GBE1: variants seen among roughly 807,000 people sequenced by gnomAD.
GBE1 encodes 1,4-alpha-glucan-branching enzyme.
In GBE1, 70 loss-of-function variants were observed where a neutral mutation model predicts 88.8. That is an observed-to-expected ratio of 0.79 (90% CI 0.65 to 0.96). GBE1 has a LOEUF of 0.96. Among genes scored for constraint, GBE1 ranks in the 40% least tolerant of loss-of-function variants. GBE1 has a pLI of 0.00. For synonymous variants in GBE1, 284 were observed against 300.1 expected (o/e 0.95, Z 0.56); for missense variants, 872 against 871.0 (o/e 1.00, Z -0.01).
At chr3:81,605,759 G>A (rs1704094128) in intron 7 of GBE1, among the ~76,000 whole-genome samples, 1 of 152,094 alleles carries the variant, frequency 6.6e-6, no homozygotes, top group Admixed American at 6.6e-5. Context: ...AGCGTTGCAT[G>A]GCTCAACTCA....
chr3:81,520,107 T>C (rs1702852368), intron 14 of GBE1, among the ~76,000 whole-genome samples: 3 of 151,354 alleles, frequency 2.0e-5, no homozygotes, highest in Admixed American at 1.3e-4. Context: ...TTCAGTTAAT[T>C]AAAGGCCTCA....
At chr3:81,714,001 C>T (rs190232110) in intron 1 of GBE1, among the ~76,000 whole-genome samples, 2 of 152,028 alleles carry the variant, frequency 1.3e-5, no homozygotes, top group Admixed American at 1.3e-4. Context: ...TATGGGAGAC[C>T]GTAGAAGAGA....
rs1319433801 is a variant in GBE1 at position 81,750,599 on chromosome 3, A to G, written c.143+10776T>C. 2.3e-3 allele frequency among the ~76,000 whole-genome samples: 83 copies of G among 36,650 alleles called. 13 individuals are homozygous for G. The highest frequency in any genetic ancestry group is 9.3e-3 in the Middle Eastern group (1 of 108). 24.0% of individuals were successfully genotyped at this position (36,650 alleles called of 152,430 possible). ...TACGTATATATATACGTATATATAT[A>G]TGTGTATATATATATATGTATATAT... On this transcript the variant is annotated intron_variant, in intron 1 of 15. Coordinates refer to ENST00000429644, the MANE Select transcript of GBE1 (RefSeq NM_000158.4).
intron 1 of GBE1, among the ~76,000 whole-genome samples, chr3:81,739,524 A>G (rs1256209579): frequency 6.6e-6 from 1 of 152,192 alleles, no homozygotes; most frequent in Non-Finnish European, 1.5e-5. Flanking sequence ...TGCACTTTCT[A>G]GAAGACAACA....
rs9790090 is a variant in GBE1, at chr3:81,653,998, C to T, written c.430-4077G>A. 1.4e-4 allele frequency among the ~76,000 whole-genome samples: 22 copies of T among 152,026 alleles called. No individual in the cohort carries two copies. In the East Asian group the frequency reaches 4.3e-3, roughly 29 times the overall value. On this transcript the variant is annotated intron_variant, in intron 3 of 15. Coordinates refer to ENST00000429644, the MANE Select transcript of GBE1 (RefSeq NM_000158.4). ...CTACTTAAGGTGTACATCTTGCGTA[C>T]CTTAAGTATATTAACACATTAAGAA...
chr3:81,647,389 C>T (rs1409738232), intron 5 of GBE1, among the ~76,000 whole-genome samples: 3 of 152,122 alleles, frequency 2.0e-5, no homozygotes, highest in African/African-American at 7.2e-5. Context: ...CTTCCTTTCT[C>T]CATCTGAATA....
intron 7 of GBE1, among the ~76,000 whole-genome samples, chr3:81,636,206 C>CT (rs937596119): frequency 4.6e-5 from 7 of 152,132 alleles, no homozygotes; most frequent in African/African-American, 1.7e-4. Flanking sequence ...GAGAATTAGT[C>CT]TGTCTGAATT....
chr3:81,546,345 C>A (rs1297636368), intron 12 of GBE1, among the ~76,000 whole-genome samples: 1 of 152,084 alleles, frequency 6.6e-6, no homozygotes, highest in East Asian at 1.9e-4. Flanking sequence ...AAAAAACAAA[C>A]ACCTAACTCC....
chr3:81,547,160 A>G (rs1703216740), intron 12 of GBE1, among the ~76,000 whole-genome samples: 2 of 151,344 alleles, frequency 1.3e-5, no homozygotes, highest in Non-Finnish European at 3.0e-5. Flanking sequence ...TTAGACGCCC[A>G]ATTTAAGGGA....
chr3:81,603,268 C>T (rs1345989514), intron 7 of GBE1, among the ~76,000 whole-genome samples: 1 of 152,056 alleles, frequency 6.6e-6, no homozygotes, highest in Admixed American at 6.6e-5. Context: ...ATCAGGTACT[C>T]TGACTTGATG....
At chr3:81,534,853 CTT>C (rs1185475027) in intron 14 of GBE1, 3 of 180,152 alleles carry the variant, frequency 1.7e-5, no homozygotes, top group African/African-American at 7.1e-5. Context: ...TCTCAGAAGA[CTT>C]CATTTATTGT....
At chr3:81,679,950 T>A (rs13099615) in intron 2 of GBE1, among the ~76,000 whole-genome samples, 46,197 of 152,024 alleles carry the variant, frequency 0.3, 7,190 homozygotes, top group East Asian at 0.45. Context: ...AAAACAGAGC[T>A]GATCTGGCTG....
At chr3:81,689,777 G>T (rs1705492802) in intron 2 of GBE1, among the ~76,000 whole-genome samples, 2 of 152,126 alleles carry the variant, frequency 1.3e-5, no homozygotes, top group South Asian at 4.1e-4. Context: ...CTGGGCCCCG[G>T]GAGAGGTATG....
At chr3:81,510,493 G>A (rs1702711132) in intron 14 of GBE1, among the ~76,000 whole-genome samples, 1 of 152,102 alleles carries the variant, frequency 6.6e-6, no homozygotes, top group South Asian at 2.1e-4. Context: ...AAAGCTTGCA[G>A]GTGTGCATAT....
At chr3:81,559,638 T>A (rs1703393014) in intron 12 of GBE1, among the ~76,000 whole-genome samples, 1 of 151,898 alleles carries the variant, frequency 6.6e-6, no homozygotes, top group Admixed American at 6.6e-5. Context: ...CCGCCGAGAA[T>A]GCACAGATGA....
intron 14 of GBE1, among the ~76,000 whole-genome samples, chr3:81,529,748 TC>T (rs1403154598): frequency 9.2e-5 from 14 of 152,090 alleles, no homozygotes; most frequent in African/African-American, 3.4e-4. Flanking sequence ...CCTTTCTTTA[TC>T]CTTGGCCTTT....
chr3:81,644,636 G>A (rs1017729189), intron 6 of GBE1, among the ~76,000 whole-genome samples: 12 of 152,240 alleles, frequency 7.9e-5, no homozygotes, highest in East Asian at 3.9e-4. Context: ...GCAAAAGAGC[G>A]ACATGATCTG....
At chr3:81,536,497 GA>G (rs1009462567) in intron 13 of GBE1, among the ~76,000 whole-genome samples, 17 of 148,764 alleles carry the variant, frequency 1.1e-4, no homozygotes, top group Non-Finnish European at 1.8e-4. Flanking sequence ...CTAAAGAAGA[GA>G]AAAAAAAATG....
chr3:81,535,285 G>T lies in GBE1; in HGVS notation c.1844C>A (p.Ala615Asp), dbSNP rs748968312. The T allele has an allele frequency of 4.3e-6, 7 of 1,610,932 alleles. No individual in the cohort carries two copies. Among genetic ancestry groups the T allele is most frequent in the Non-Finnish European group, 5.9e-6 (7 of 1,178,468 alleles). Residue 615 changes from alanine to aspartate, a missense_variant, in exon 14 of 16, where the codon GCT becomes GAT. Transcript: ENST00000429644. Reference sequence around the variant, plus strand: ...GAAAAGAAGACCTGCTCTTTCAAAAGCAATGATCTTATTGCCTTCATGTTT... The same window carrying T: ...GAAAAGAAGACCTGCTCTTTCAAAATCAATGATCTTATTGCCTTCATGTTT... Reference protein sequence around the residue: ...SEKHEGNKIIAFERAGLLFIF... With the variant: ...SEKHEGNKIIDFERAGLLFIF...
Sources: allele counts gnomAD v4.1 joint callset (sites outside exome capture counted in the v4.1 genomes callset), GRCh38; gene constraint gnomAD v4.1.1; transcripts MANE v1.5; gene names NCBI Gene and HGNC (gene_info 2026-07-23, HGNC 2026-07-21).